NACC2: variants seen among roughly 807,000 people sequenced by gnomAD.
The protein encoded by NACC2 is nucleus accumbens-associated protein 2.
In NACC2, 8 loss-of-function variants were observed where a neutral mutation model predicts 25.1. The observed-to-expected ratio is 0.32, with a 90% CI of 0.19 to 0.57. The LOEUF (loss-of-function observed/expected upper bound fraction) is 0.57. Among genes scored for constraint, NACC2 ranks in the 20% least tolerant of loss-of-function variants. NACC2 has a pLI of 0.89. For missense variants in NACC2, 644 were observed against 650.2 expected (o/e 0.99, Z 0.10); for synonymous variants, 435 against 294.7 (o/e 1.48, Z -4.88).
intron 1 of NACC2, among the ~76,000 whole-genome samples, chr9:136,079,054 T>G (rs866233494): frequency 2.2e-4 from 25 of 113,930 alleles, no homozygotes; most frequent in South Asian, 6.5e-4. Flanking sequence ...AATCATAGCT[T>G]CTTCTTTTTT....
chr9:136,060,264 T>C (rs2131170243), intron 1 of NACC2, among the ~76,000 whole-genome samples: 1 of 152,260 alleles, frequency 6.6e-6, no homozygotes, highest in South Asian at 2.1e-4. Flanking sequence ...CCGAAGAATC[T>C]TGTGTAAAAG....
rs1840260906 is a variant in NACC2 at position 136,019,764 on chromosome 9, G to A, written c.887-3335C>T. ...CAAGGACAAATGCTGCCCGGGGCGC[G>A]GGGTTGGGGCCTTCAGGGACCCAGA... On this transcript the variant is annotated intron_variant, in intron 2 of 5. Transcript: ENST00000277554. The surrounding 1 kb of genome is among the most constrained non-coding windows in gnomAD (Gnocchi z 5.2). Among the ~76,000 whole-genome samples, 2 of 152,140 alleles carry A rather than the reference G, an allele frequency of 1.3e-5. No homozygotes were observed. Among genetic ancestry groups the A allele is most frequent in the African/African-American group, 4.8e-5 (2 of 41,418 alleles).
chr9:136,013,132 T>G lies in NACC2; in HGVS notation c.1255+67A>C. 7.0e-7 allele frequency: 1 copy of G among 1,431,806 alleles called. No homozygotes were observed. The highest frequency in any genetic ancestry group is 9.7e-7 in the Non-Finnish European group (1 of 1,031,750). The allele number at this position is 1,431,806 out of a possible 1,614,324, so 88.7% of individuals were successfully genotyped here. A position where few individuals can be genotyped will look rare whatever the true frequency, so the allele number is the denominator to read the frequency against. The stretch of plus-strand genomic sequence containing the variant: ...GGGAGCACCCCCGCGGCCCACCCAG[T>G]CCTCCTCAGGCTGGGATCTGAACCC... On this transcript the variant is annotated intron_variant, in intron 5 of 5. Transcript: ENST00000277554. The surrounding 1 kb of genome is among the most constrained non-coding windows in gnomAD (Gnocchi z 6.6).
chr9:136,039,047 T>C (rs1840593620), intron 2 of NACC2, among the ~76,000 whole-genome samples: 1 of 152,160 alleles, frequency 6.6e-6, no homozygotes, highest in Non-Finnish European at 1.5e-5. Context: ...TTAGACTGCA[T>C]AAAAATGCAA....
In NACC2 at chr9:136,055,508, T is replaced by C. The variant is rs1407907478; in HGVS notation, c.-59-4928A>G. Among the ~76,000 whole-genome samples, 1 of 152,114 alleles carries C rather than the reference T, an allele frequency of 6.6e-6. No individual in the cohort carries two copies. Among genetic ancestry groups the C allele is most frequent in the Admixed American group, 6.5e-5 (1 of 15,278 alleles). ...CAGGCAGCTCCATGGTCTGAGGGCCTCGCCCAGAGTCCCCAGAAACCCTGC... is the reference window on the plus strand; with the variant it reads ...CAGGCAGCTCCATGGTCTGAGGGCCCCGCCCAGAGTCCCCAGAAACCCTGC... On this transcript the variant is annotated intron_variant, in intron 1 of 5. Transcript: ENST00000277554. This position sits in a 1 kb window ranked among gnomAD's most constrained non-coding sequence, Gnocchi z 4.9.
At chr9:136,048,870 G>A (rs1223682924) in intron 2 of NACC2, among the ~76,000 whole-genome samples, 1 of 152,208 alleles carries the variant, frequency 6.6e-6, no homozygotes, top group Non-Finnish European at 1.5e-5. Context: ...GCCCCTCGGG[G>A]TCCACCACCT....
intron 2 of NACC2, among the ~76,000 whole-genome samples, chr9:136,024,839 G>A (rs1032987476): frequency 1.3e-5 from 2 of 152,190 alleles, no homozygotes; most frequent in African/African-American, 4.8e-5. Flanking sequence ...ACTGGGACCT[G>A]CCAGCCCTGG....
chr9:136,068,366 G>T (rs1841112608), intron 1 of NACC2, among the ~76,000 whole-genome samples: 1 of 149,360 alleles, frequency 6.7e-6, no homozygotes, highest in Non-Finnish European at 1.5e-5. Flanking sequence ...GGGCATAGTG[G>T]TGTGTGCCTG....
chr9:136,079,835 C>A (rs1009806146), intron 1 of NACC2, among the ~76,000 whole-genome samples: 2 of 152,196 alleles, frequency 1.3e-5, no homozygotes, highest in Non-Finnish European at 2.9e-5. Context: ...CCGGGGAAGT[C>A]TCAACTTTCC....
chr9:136,061,161 C>T (rs965236818), intron 1 of NACC2, among the ~76,000 whole-genome samples: 1 of 152,174 alleles, frequency 6.6e-6, no homozygotes, highest in Non-Finnish European at 1.5e-5. Flanking sequence ...TCCGGGTCTG[C>T]ACAGCCCCCA....
chr9:136,043,517 G>A (rs1840676724), intron 2 of NACC2, among the ~76,000 whole-genome samples: 1 of 152,240 alleles, frequency 6.6e-6, no homozygotes, highest in African/African-American at 2.4e-5. Context: ...TGGTGGGAGT[G>A]CGGCCTCATG....
intron 2 of NACC2, among the ~76,000 whole-genome samples, chr9:136,029,238 GC>G (rs1840438970): frequency 6.6e-6 from 1 of 152,138 alleles, no homozygotes; most frequent in Admixed American, 6.5e-5. Flanking sequence ...CCCAGACTCA[GC>G]CAGACAACAG....
intron 1 of NACC2, among the ~76,000 whole-genome samples, chr9:136,052,483 A>C (rs1840860611): frequency 3.0e-5 from 4 of 133,058 alleles, no homozygotes; most frequent in East Asian, 2.2e-4. Flanking sequence ...GAGCCAGGGA[A>C]GGGGAGGGGA....
intron 2 of NACC2, among the ~76,000 whole-genome samples, chr9:136,034,864 CG>C (rs1316773846): frequency 6.6e-6 from 1 of 152,068 alleles, no homozygotes; most frequent in Non-Finnish European, 1.5e-5. Flanking sequence ...AAGGCACTGG[CG>C]GGCCGATCAC....
At chr9:136,047,295 G>A (rs972463953) in intron 2 of NACC2, among the ~76,000 whole-genome samples, 2 of 152,072 alleles carry the variant, frequency 1.3e-5, no homozygotes, top group African/African-American at 4.8e-5. Context: ...CTCCCCCCAT[G>A]GCACCGCCAA....
At chr9:136,095,023 G>A (rs910829317) in intron 1 of NACC2, among the ~76,000 whole-genome samples, 166 bp downstream of exon 1, 2 of 146,006 alleles carry the variant, frequency 1.4e-5, no homozygotes, top group African/African-American at 4.9e-5. Flanking sequence ...CGCCCGGGCC[G>A]GCGCGGAACT....
intron 1 of NACC2, among the ~76,000 whole-genome samples, chr9:136,058,662 G>A (rs975078010): frequency 2.6e-5 from 4 of 152,168 alleles, no homozygotes; most frequent in African/African-American, 7.2e-5. Flanking sequence ...GAGCTCGATC[G>A]CAACCCACCT....
chr9:136,091,645 G>C (rs1830434766), intron 1 of NACC2, among the ~76,000 whole-genome samples: 1 of 152,170 alleles, frequency 6.6e-6, no homozygotes, highest in African/African-American at 2.4e-5. Context: ...CCTATACAAG[G>C]GTGTGTGCTT....
intron 2 of NACC2, among the ~76,000 whole-genome samples, chr9:136,042,177 G>A (rs1343216794): frequency 6.6e-6 from 1 of 152,060 alleles, no homozygotes; most frequent in African/African-American, 2.4e-5. Flanking sequence ...TAGTAGAGAT[G>A]GGGTTTCACC....
Sources: allele counts gnomAD v4.1 joint callset (sites outside exome capture counted in the v4.1 genomes callset), GRCh38; gene constraint gnomAD v4.1.1; non-coding constraint Gnocchi (gnomAD v3.1); transcripts MANE v1.5; gene names NCBI Gene and HGNC (gene_info 2026-07-23, HGNC 2026-07-21).